SCFD2: variants seen among roughly 807,000 people sequenced by gnomAD.
SCFD2 encodes the protein sec1 family domain containing 2.
SCFD2 carries 54 observed loss-of-function variants against 58.9 expected under a neutral mutation model. The ratio of observed to expected loss-of-function variants is 0.92; its 90% CI spans 0.74 to 1.15. The LOEUF (loss-of-function observed/expected upper bound fraction) is 1.15, where lower values mean the gene tolerates loss of function less well. SCFD2 is among the 50% of genes most tolerant of loss of function. The pLI is 0.00. For missense variants in SCFD2, 805 were observed against 836.6 expected (o/e 0.96, Z 0.47); for synonymous variants, 321 against 335.9 (o/e 0.96, Z 0.49).
intron 5 of SCFD2, among the ~76,000 whole-genome samples, chr4:52,966,352 C>T (rs1414211834): frequency 6.6e-6 from 1 of 152,214 alleles, no homozygotes; most frequent in African/African-American, 2.4e-5. Flanking sequence ...CACTTGATGA[C>T]CTGAGTCCTT....
At chr4:52,894,751 C>T (rs983567669) in intron 7 of SCFD2, among the ~76,000 whole-genome samples, 1 of 152,158 alleles carries the variant, frequency 6.6e-6, no homozygotes, top group Non-Finnish European at 1.5e-5. Flanking sequence ...TTGAGAAGTA[C>T]ATCAAGTTAC....
At chr4:53,260,507 T>C (rs1230029372) in intron 4 of SCFD2, among the ~76,000 whole-genome samples, 2 of 152,316 alleles carry the variant, frequency 1.3e-5, no homozygotes, top group Middle Eastern at 3.4e-3. Context: ...TGTTTTTAAT[T>C]CTGTTTATGT....
In SCFD2 at chr4:52,956,597, C is replaced by T. The variant is rs952736297; in HGVS notation, c.1562-35727G>A. 3 of 206,894 alleles carry T rather than the reference C, an allele frequency of 1.5e-5. No homozygotes were observed. In the South Asian group the frequency reaches 2.4e-4, roughly 16 times the overall value. The allele number at this position is 206,894 out of a possible 1,614,324, so 12.8% of individuals were successfully genotyped here. A position where few individuals can be genotyped will look rare whatever the true frequency, so the allele number is the denominator to read the frequency against. ...TAAAAACATGGCTGCCAGCTGCTCT[C>T]ATGAGCACCTCTTCCCAGCTTCATG... is the stretch of plus-strand genomic sequence containing the variant. On this transcript the variant is annotated intron_variant, in intron 5 of 8. Coordinates refer to ENST00000401642, the MANE Select transcript of SCFD2 (RefSeq NM_152540.4).
chr4:53,177,347 A>G (rs2148942964), intron 4 of SCFD2, among the ~76,000 whole-genome samples: 1 of 152,338 alleles, frequency 6.6e-6, no homozygotes, highest in Admixed American at 6.5e-5. Context: ...TAAAGAAAGC[A>G]TCCTGGAGGA....
At chr4:52,915,251 C>G (rs917038931) in intron 6 of SCFD2, among the ~76,000 whole-genome samples, 6 of 152,216 alleles carry the variant, frequency 3.9e-5, no homozygotes, top group Admixed American at 6.5e-5. Flanking sequence ...ACATCTCCAT[C>G]AGCTGGGGCT....
At chr4:53,353,257 G>A (rs998787627) in intron 1 of SCFD2, among the ~76,000 whole-genome samples, 8 of 152,018 alleles carry the variant, frequency 5.3e-5, no homozygotes, top group Non-Finnish European at 1.2e-4. Flanking sequence ...CGCGTCTGGA[G>A]TTGTTCGTTC....
rs769965986 is a variant in SCFD2 at position 53,365,320 on chromosome 4, G to A, written c.622C>T (p.Leu208=). 5.6e-6 allele frequency: 9 copies of A among 1,614,082 alleles called. No individual in the cohort carries two copies. The African/African-American group carries it at 9.3e-5, about 17-fold the overall frequency. Residue 208 remains leucine, a synonymous_variant, in exon 1 of 9, where the codon CTA becomes TTA. Coordinates refer to ENST00000401642, the MANE Select transcript of SCFD2 (RefSeq NM_152540.4). This position sits in a 1 kb window ranked among gnomAD's most constrained non-coding sequence, Gnocchi z 4.3. ...ATCTGCAGCAGCAGCTCTGGGGTTA[G>A]CGTAGTGGAGTCCACATCACCCAGG... is the stretch of plus-strand genomic sequence containing the variant. The part of the protein sequence containing the change: ...GSLGDVDSTT[L]TPELLLQIRC...
At chr4:53,056,958 G>A (rs1178142857) in intron 5 of SCFD2, among the ~76,000 whole-genome samples, 5 of 152,084 alleles carry the variant, frequency 3.3e-5, no homozygotes, top group Non-Finnish European at 5.9e-5. Flanking sequence ...CCGAGGTGGC[G>A]GATCACTTGA....
At chr4:53,083,048 A>G (rs1724196366) in intron 5 of SCFD2, among the ~76,000 whole-genome samples, 1 of 152,146 alleles carries the variant, frequency 6.6e-6, no homozygotes, top group South Asian at 2.1e-4. Context: ...TGACTAATAT[A>G]GATTTTGGTA....
rs1718391944 is a variant in SCFD2 at position 52,873,239 on chromosome 4, G to A, written c.*730C>T. On this transcript the variant is annotated 3_prime_UTR_variant, in exon 9 of 9. Transcript: ENST00000401642. ...TTACAATTTAGACTCCCTGGGACCA[G>A]GTATCTTGTACTGGAGTCTTTCTTT... 6.6e-6 allele frequency: 1 copy of A among 152,198 alleles called. No homozygotes were observed. The highest frequency in any genetic ancestry group is 6.5e-5 in the Admixed American group (1 of 15,274). 9.4% of individuals were successfully genotyped at this position (152,198 alleles called of 1,614,324 possible).
chr4:53,325,350 C>T (rs1397558887), intron 2 of SCFD2, among the ~76,000 whole-genome samples: 5 of 151,922 alleles, frequency 3.3e-5, no homozygotes, highest in African/African-American at 4.8e-5. Flanking sequence ...CCATGACCCA[C>T]CAAAACATAA....
intron 5 of SCFD2, among the ~76,000 whole-genome samples, chr4:52,979,168 G>A (rs1312698948): frequency 6.6e-6 from 1 of 151,968 alleles, no homozygotes; most frequent in Non-Finnish European, 1.5e-5. Flanking sequence ...CCTGTTCCCA[G>A]GAGGCTTTTC....
At position 53,276,964 on chromosome 4, in the gene SCFD2, T is replaced by C. The variant is rs116424556; in HGVS notation, c.1136-2963A>G. ...CATGTGTGTCTTTTGCCATCCTATATCTGTTTTGGTGAAGTGTCTGGTCAA... is the reference window on the plus strand; with the variant it reads ...CATGTGTGTCTTTTGCCATCCTATACCTGTTTTGGTGAAGTGTCTGGTCAA... On this transcript the variant is annotated intron_variant, in intron 3 of 8. Transcript: ENST00000401642. 5.2e-3 allele frequency among the ~76,000 whole-genome samples: 789 copies of C among 152,356 alleles called. 4 individuals are homozygous for C. The highest frequency in any genetic ancestry group is 0.018 in the African/African-American group (759 of 41,572).
intron 4 of SCFD2, among the ~76,000 whole-genome samples, chr4:53,237,495 A>T (rs1212043200): frequency 1.2e-4 from 1 of 8,182 alleles, no homozygotes; most frequent in Non-Finnish European, 2.8e-4. Flanking sequence ...TCCCTCCCGG[A>T]CGGGCGGCTG....
At chr4:53,030,414 G>GA (rs1722587692) in intron 5 of SCFD2, among the ~76,000 whole-genome samples, 1 of 150,296 alleles carries the variant, frequency 6.7e-6, no homozygotes, top group Non-Finnish European at 1.5e-5. Context: ...AGACACTTTG[G>GA]AAAAAAATCT....
chr4:52,954,720 A>C (rs1244224970), intron 5 of SCFD2, among the ~76,000 whole-genome samples: 3 of 152,214 alleles, frequency 2.0e-5, no homozygotes, highest in Non-Finnish European at 4.4e-5. Flanking sequence ...AATCAAAGAA[A>C]TGCATAAATT....
intron 5 of SCFD2, among the ~76,000 whole-genome samples, chr4:53,041,988 C>CA: frequency 6.6e-6 from 1 of 152,208 alleles, no homozygotes; most frequent in Middle Eastern, 3.4e-3. Flanking sequence ...TAAGCTATGT[C>CA]AAAAGAATAA....
chr4:53,217,837 G>A (rs1476305008), intron 4 of SCFD2, among the ~76,000 whole-genome samples: 2 of 152,122 alleles, frequency 1.3e-5, no homozygotes, highest in Non-Finnish European at 2.9e-5. Flanking sequence ...GGGCAGGCCT[G>A]GTGGTGACAA....
At chr4:52,920,539 G>A (rs540338599) in intron 6 of SCFD2, among the ~76,000 whole-genome samples, 186 bp downstream of exon 6, 11 of 152,158 alleles carry the variant, frequency 7.2e-5, no homozygotes. Context: ...CAAGCCTGGG[G>A]CATAAATGAA....
Sources: allele counts gnomAD v4.1 joint callset (sites outside exome capture counted in the v4.1 genomes callset), GRCh38; gene constraint gnomAD v4.1.1; non-coding constraint Gnocchi (gnomAD v3.1); transcripts MANE v1.5; gene names NCBI Gene and HGNC (gene_info 2026-07-23, HGNC 2026-07-21).